CCDC178: variants seen among roughly 807,000 people sequenced by gnomAD.
CCDC178 encodes coiled-coil domain-containing protein 178.
A neutral mutation model predicts 117.4 loss-of-function variants in CCDC178; 126 were observed. The ratio of observed to expected loss-of-function variants is 1.07; its 90% CI spans 0.93 to 1.24. The LOEUF (loss-of-function observed/expected upper bound fraction) is 1.24. CCDC178 is among the 50% of genes most tolerant of loss of function. The pLI is 0.00. For synonymous variants in CCDC178, 283 were observed against 313.4 expected (o/e 0.90, Z 1.02); for missense variants, 1,030 against 986.9 (o/e 1.04, Z -0.59).
intron 20 of CCDC178, among the ~76,000 whole-genome samples, chr18:33,117,687 G>A (rs545703966): frequency 3.3e-5 from 5 of 151,482 alleles, no homozygotes; most frequent in African/African-American, 4.8e-5. Flanking sequence ...AAACCTGCAC[G>A]TTGTGCACAT....
chr18:33,437,278 A>G (rs1016710456), intron 2 of CCDC178, among the ~76,000 whole-genome samples: 7 of 152,228 alleles, frequency 4.6e-5, no homozygotes, highest in Non-Finnish European at 1.0e-4. Context: ...TAAAGAAACA[A>G]AAATAATTGT....
chr18:33,362,839 A>ATAGT (rs2063149233), intron 6 of CCDC178, among the ~76,000 whole-genome samples: 1 of 152,040 alleles, frequency 6.6e-6, no homozygotes, highest in Non-Finnish European at 1.5e-5. Flanking sequence ...GGAGCTAAAT[A>ATAGT]TAGTGGTGAT....
intron 2 of CCDC178, among the ~76,000 whole-genome samples, chr18:33,423,832 A>G (rs2064070691): frequency 6.6e-6 from 1 of 152,224 alleles, no homozygotes; most frequent in South Asian, 2.1e-4. Context: ...CAACTTAGAA[A>G]ACTCATTCCA....
intron 14 of CCDC178, among the ~76,000 whole-genome samples, chr18:33,266,023 G>A (rs2059809662): frequency 1.3e-5 from 2 of 152,032 alleles, no homozygotes; most frequent in Non-Finnish European, 2.9e-5. Flanking sequence ...TACTAGTATA[G>A]TAGTTGCAGG....
chr18:33,192,628 C>G (rs1030364446), intron 20 of CCDC178, among the ~76,000 whole-genome samples: 1 of 152,142 alleles, frequency 6.6e-6, no homozygotes, highest in Non-Finnish European at 1.5e-5. Context: ...GGGCCCTGCG[C>G]GGTGGCTCAC....
At chr18:33,230,188 C>A (rs2059353451) in intron 15 of CCDC178, among the ~76,000 whole-genome samples, 1 of 152,100 alleles carries the variant, frequency 6.6e-6, no homozygotes, top group South Asian at 2.1e-4. Context: ...GAATATGCAT[C>A]ACTTTCACAC....
Position 33,311,531 on chromosome 18 carries a change from G to A in CCDC178, c.1022+11960C>T, listed in dbSNP as rs934863283. Among the ~76,000 whole-genome samples, 7 of 152,196 alleles carry A rather than the reference G, an allele frequency of 4.6e-5. No individual in the cohort carries two copies. In the South Asian group the frequency reaches 6.2e-4, roughly 14 times the overall value. Reference sequence around the variant, plus strand: ...GAGTGTCCCTCAGTCCCCTAACCAGGAGAAAGGATCCTGAAGACCTAGGAG... The same window carrying A: ...GAGTGTCCCTCAGTCCCCTAACCAGAAGAAAGGATCCTGAAGACCTAGGAG... On this transcript the variant is annotated intron_variant, in intron 11 of 22. Transcript: ENST00000383096.
At chr18:33,109,488 C>T (rs975598851) in intron 20 of CCDC178, among the ~76,000 whole-genome samples, 1 of 151,518 alleles carries the variant, frequency 6.6e-6, no homozygotes, top group South Asian at 2.1e-4. Flanking sequence ...ATATTAATCC[C>T]TCGATCTTTT....
chr18:33,175,925 C>G (rs1263867148), intron 20 of CCDC178, among the ~76,000 whole-genome samples: 3 of 152,122 alleles, frequency 2.0e-5, no homozygotes, highest in Non-Finnish European at 4.4e-5. Flanking sequence ...CTGATCAATT[C>G]TCCACTTTTT....
chr18:33,245,257 T>C lies in CCDC178; in HGVS notation c.1581A>G (p.Arg527=), dbSNP rs759585635. 1.3e-6 allele frequency: 2 copies of C among 1,585,314 alleles called. No individual in the cohort carries two copies. Among genetic ancestry groups the C allele is most frequent in the Non-Finnish European group, 1.7e-6 (2 of 1,169,354 alleles). ...AAAGATACACAACCTTGAACTTTCTTCTCACTTCTGCTATTTTATCTTCCA... is the reference window on the plus strand; with the variant it reads ...AAAGATACACAACCTTGAACTTTCTCCTCACTTCTGCTATTTTATCTTCCA... ...DEMEDKIAEV[R]RKFKGREEFL... Residue 527 remains arginine, a synonymous_variant, in exon 15 of 23, where the codon AGA becomes AGG. Coordinates refer to ENST00000383096, the MANE Select transcript of CCDC178 (RefSeq NM_001105528.4).
Position 33,213,791 on chromosome 18 carries a change from A to G in CCDC178, c.2079-1736T>C, listed in dbSNP as rs1157826503. 2.0e-5 allele frequency among the ~76,000 whole-genome samples: 3 copies of G among 152,032 alleles called. No homozygotes were observed. The East Asian group carries it at 5.8e-4, about 29-fold the overall frequency. On this transcript the variant is annotated intron_variant, in intron 19 of 22. Coordinates refer to ENST00000383096, the MANE Select transcript of CCDC178 (RefSeq NM_001105528.4). ...GTTAAGAAGCAATTATAAAAATTAAATGAGGGTCAAGGATGGCTTTGATTG... is the reference window on the plus strand; with the variant it reads ...GTTAAGAAGCAATTATAAAAATTAAGTGAGGGTCAAGGATGGCTTTGATTG...
chr18:33,072,175 C>CT lies in CCDC178; in HGVS notation c.2388+20585dup, dbSNP rs200940043. Among the ~76,000 whole-genome samples the CT allele has an allele frequency of 2.8e-3, 427 of 152,092 alleles. 3 individuals carry two copies. The highest frequency in any genetic ancestry group is 9.7e-3 in the African/African-American group (404 of 41,518). Reference sequence around the variant, plus strand: ...AATGAATTCAGAGAGAAAATTTGGTCTTTTTGTGTTTTTCAGATGTTCTGC... The same window carrying CT: ...AATGAATTCAGAGAGAAAATTTGGTCTTTTTTGTGTTTTTCAGATGTTCTGC... On this transcript the variant is annotated intron_variant, in intron 21 of 22. Coordinates refer to ENST00000383096, the MANE Select transcript of CCDC178 (RefSeq NM_001105528.4).
intron 4 of CCDC178, among the ~76,000 whole-genome samples, chr18:33,390,539 C>G (rs4299223): frequency 0.95 from 144,474 of 152,134 alleles, 69,043 homozygotes; most frequent in Middle Eastern, 1. Flanking sequence ...AGTAGCATTG[C>G]TGAATCTCAA....
intron 18 of CCDC178, among the ~76,000 whole-genome samples, chr18:33,218,130 A>T (rs986546437): frequency 1.3e-5 from 2 of 152,028 alleles, no homozygotes; most frequent in African/African-American, 4.8e-5. Context: ...TGATATGAGG[A>T]CACCTCTCTC....
chr18:33,282,752 C>A (rs576750849), intron 12 of CCDC178, among the ~76,000 whole-genome samples: 1 of 152,298 alleles, frequency 6.6e-6, no homozygotes, highest in Non-Finnish European at 1.5e-5. Context: ...GGGAGTGCAA[C>A]TGGACCCTCA....
chr18:32,994,526 T>C (rs954281418), intron 21 of CCDC178, among the ~76,000 whole-genome samples: 7 of 152,216 alleles, frequency 4.6e-5, no homozygotes, highest in African/African-American at 1.4e-4. Context: ...GAAATGAAGA[T>C]ACCCTGTTTC....
chr18:33,333,529 T>G (rs2062701253), intron 9 of CCDC178, 135 bp from the exon 10 acceptor site: 2 of 498,596 alleles, frequency 4.0e-6, no homozygotes, highest in African/African-American at 2.1e-5. Context: ...TTTTTTTTTT[T>G]TCCGAGATGG....
intron 18 of CCDC178, among the ~76,000 whole-genome samples, chr18:33,218,340 T>G (rs1034754567): frequency 3.3e-5 from 5 of 152,170 alleles, no homozygotes; most frequent in Non-Finnish European, 2.9e-5. Flanking sequence ...CTTTGTAGAT[T>G]CTGGATATTA....
intron 6 of CCDC178, among the ~76,000 whole-genome samples, chr18:33,362,813 G>A (rs954809376): frequency 7.2e-5 from 11 of 152,078 alleles, no homozygotes; most frequent in African/African-American, 2.6e-4. Context: ...TTATTCTGGA[G>A]TAGTGAACAT....
Sources: allele counts gnomAD v4.1 joint callset (sites outside exome capture counted in the v4.1 genomes callset), GRCh38; gene constraint gnomAD v4.1.1; transcripts MANE v1.5; gene names NCBI Gene and HGNC (gene_info 2026-07-23, HGNC 2026-07-21).